NEK1: variants seen among roughly 807,000 people sequenced by gnomAD.
NEK1 encodes the protein NIMA related kinase 1.
A neutral mutation model predicts 182.1 loss-of-function variants in NEK1; 137 were observed. The ratio of observed to expected loss-of-function variants is 0.75; its 90% CI spans 0.65 to 0.87. NEK1 has a LOEUF of 0.87. Ranked by LOEUF, NEK1 falls within the 40% of genes least tolerant of loss-of-function variation. The pLI, the probability that NEK1 is intolerant of heterozygous loss-of-function variation, is 0.00. For missense variants in NEK1, 1,391 were observed against 1,494.4 expected (o/e 0.93, Z 1.14); for synonymous variants, 513 against 492.2 (o/e 1.04, Z -0.56).
chr4:169,500,855 G>A lies in NEK1; in HGVS notation c.2007+6182C>T, dbSNP rs545085784. Among the ~76,000 whole-genome samples, 7 of 152,264 alleles carry A rather than the reference G, an allele frequency of 4.6e-5. No individual in the cohort carries two copies. In the East Asian group the frequency reaches 1.4e-3, roughly 29 times the overall value. ...GCCACTATAAAGCAACTATACAATT[G>A]AGACTACAAAGCAATAGTTAACACT... On this transcript the variant is annotated intron_variant, in intron 23 of 35. Coordinates refer to ENST00000507142, the MANE Select transcript of NEK1 (RefSeq NM_001199397.3).
At chr4:169,426,784 C>CTGT (rs1199128846) in intron 29 of NEK1, among the ~76,000 whole-genome samples, 1 of 152,036 alleles carries the variant, frequency 6.6e-6, no homozygotes, top group Non-Finnish European at 1.5e-5. Context: ...GCAAGATATA[C>CTGT]TGTTAAGTAA....
At chr4:169,471,176 T>C (rs1455523599) in intron 26 of NEK1, among the ~76,000 whole-genome samples, 2 of 152,204 alleles carry the variant, frequency 1.3e-5, no homozygotes, top group Non-Finnish European at 2.9e-5. Context: ...GGCAAGGAGT[T>C]GTGATACTTT....
At chr4:169,502,357 G>C (rs1752555233) in intron 23 of NEK1, among the ~76,000 whole-genome samples, 1 of 151,780 alleles carries the variant, frequency 6.6e-6, no homozygotes, top group African/African-American at 2.4e-5. Flanking sequence ...AATTAAGATG[G>C]AGAGATTCCT....
intron 32 of NEK1, among the ~76,000 whole-genome samples, chr4:169,406,208 G>A (rs886648981): frequency 2.0e-5 from 3 of 152,132 alleles, no homozygotes; most frequent in African/African-American, 7.2e-5. Context: ...GTAGGTGTGA[G>A]CCACTGTGTC....
intron 2 of NEK1, among the ~76,000 whole-genome samples, chr4:169,606,302 T>A (rs1560797755): frequency 2.0e-5 from 3 of 148,404 alleles, no homozygotes; most frequent in Non-Finnish European, 4.5e-5. Context: ...TGTCCAAACC[T>A]GAGGAACATG....
intron 26 of NEK1, among the ~76,000 whole-genome samples, chr4:169,476,001 G>A (rs77690502): frequency 0.086 from 13,034 of 152,124 alleles, 673 homozygotes; most frequent in East Asian, 0.17. Context: ...AGAAGAAGGA[G>A]GAGGCATGGA....
intron 12 of NEK1, among the ~76,000 whole-genome samples, chr4:169,562,909 T>C (rs1763138975): frequency 6.6e-6 from 1 of 152,192 alleles, no homozygotes; most frequent in Non-Finnish European, 1.5e-5. Context: ...TATATATTCT[T>C]TTGTATCTTG....
intron 2 of NEK1, among the ~76,000 whole-genome samples, chr4:169,610,040 CAG>C (rs1380400746): frequency 7.0e-6 from 1 of 142,578 alleles, no homozygotes; most frequent in Non-Finnish European, 1.5e-5. Flanking sequence ...TTTTCTGAGA[CAG>C]AGTCTTGCTC....
chr4:169,462,637 AAG>A (rs755883694), intron 27 of NEK1, among the ~76,000 whole-genome samples: 4 of 152,242 alleles, frequency 2.6e-5, no homozygotes, highest in Non-Finnish European at 5.9e-5. Flanking sequence ...GAGAAGGAAA[AAG>A]AACACAAAAG....
At chr4:169,571,082 T>C (rs1338197618) in intron 12 of NEK1, among the ~76,000 whole-genome samples, 2 of 151,850 alleles carry the variant, frequency 1.3e-5, no homozygotes, top group African/African-American at 4.8e-5. Context: ...ACCAGAGACC[T>C]TTGTTCACTT....
Position 169,481,693 on chromosome 4 carries a change from C to T in NEK1, c.2008-2159G>A, listed in dbSNP as rs533927478. On this transcript the variant is annotated intron_variant, in intron 23 of 35. Transcript: ENST00000507142. ...GTGCAGTCATCCAGGCTTTATTGTTCCATTTATAGAACACAAATAGAATAG... is the reference window on the plus strand; with the variant it reads ...GTGCAGTCATCCAGGCTTTATTGTTTCATTTATAGAACACAAATAGAATAG... 2.0e-5 allele frequency among the ~76,000 whole-genome samples: 3 copies of T among 152,148 alleles called. No individual in the cohort carries two copies. The South Asian group carries it at 6.2e-4, about 32-fold the overall frequency.
intron 18 of NEK1, among the ~76,000 whole-genome samples, chr4:169,541,442 A>C (rs911076581): frequency 5.9e-5 from 9 of 152,192 alleles, no homozygotes; most frequent in Non-Finnish European, 8.8e-5. Flanking sequence ...ATATAAGCAA[A>C]GGTAGACTGG....
At chr4:169,590,617 G>A (rs1221612086) in intron 6 of NEK1, 109 bp downstream of exon 6, 1 of 643,004 alleles carries the variant, frequency 1.6e-6, no homozygotes, top group African/African-American at 1.8e-5. Flanking sequence ...GAAGAGACAA[G>A]ACAGATAATC....
intron 31 of NEK1, among the ~76,000 whole-genome samples, chr4:169,408,495 T>C (rs188630894): frequency 1.3e-5 from 2 of 152,274 alleles, no homozygotes; most frequent in Admixed American, 1.3e-4. Flanking sequence ...TTTCAATAGT[T>C]TTTGAGGTAA....
intron 31 of NEK1, among the ~76,000 whole-genome samples, chr4:169,416,884 G>T (rs528239004): frequency 2.0e-5 from 3 of 152,304 alleles, no homozygotes; most frequent in Admixed American, 1.3e-4. Context: ...CATTCTGGGA[G>T]ACAGAGCAAG....
At chr4:169,452,469 T>A (rs1481066933) in intron 27 of NEK1, among the ~76,000 whole-genome samples, 1 of 152,170 alleles carries the variant, frequency 6.6e-6, no homozygotes, top group Non-Finnish European at 1.5e-5. Flanking sequence ...TCCACCATGA[T>A]CAAGTTGGCT....
intron 19 of NEK1, among the ~76,000 whole-genome samples, chr4:169,512,589 C>T (rs1035828494): frequency 6.6e-6 from 1 of 151,930 alleles, no homozygotes; most frequent in African/African-American, 2.4e-5. Flanking sequence ...GGGTCTTTTG[C>T]AGAGCCAAAT....
At chr4:169,494,698 C>G (rs963355078) in intron 23 of NEK1, among the ~76,000 whole-genome samples, 15 of 152,278 alleles carry the variant, frequency 9.9e-5, no homozygotes, top group East Asian at 1.9e-4. Context: ...GGTTGAACTA[C>G]TTTACAGTCC....
At chr4:169,446,712 A>C (rs560062739) in intron 27 of NEK1, among the ~76,000 whole-genome samples, 3 of 152,322 alleles carry the variant, frequency 2.0e-5, no homozygotes, top group African/African-American at 7.2e-5. Context: ...AAAAGATTGA[A>C]ATAATTAAAA....
Sources: gnomAD v4.1 joint callset for allele counts (sites outside exome capture counted in the v4.1 genomes callset) on GRCh38, gnomAD v4.1.1 for gene constraint, MANE v1.5 for transcripts, NCBI Gene and HGNC (gene_info 2026-07-23, HGNC 2026-07-21) for gene names.